The following FBRSL1 variants were observed in gnomAD, a reference collection of about 807,000 sequenced individuals.
FBRSL1 encodes fibrosin like 1, also known as fibrosin-1-like protein.
A neutral mutation model predicts 89.6 loss-of-function variants in FBRSL1; 51 were observed. That is an observed-to-expected ratio of 0.57 (90% confidence interval 0.45 to 0.72). FBRSL1 has a LOEUF of 0.72. Among genes scored for constraint, FBRSL1 ranks in the 30% least tolerant of loss-of-function variants. The pLI is 0.00. For missense variants in FBRSL1, 1,618 were observed against 1,451.8 expected, an observed-to-expected ratio of 1.11 and a Z score of -1.86; for synonymous variants, 779 against 681.1, an observed-to-expected ratio of 1.14 and a Z score of -2.24.
chr12:132,530,116 T>G (rs1297788298), intron 4 of FBRSL1, among the ~76,000 whole-genome samples: 1 of 151,540 alleles, frequency 6.6e-6, no homozygotes, highest in Non-Finnish European at 1.5e-5. Flanking sequence ...TCCTCTGCCC[T>G]TCCCATCGTC....
intron 2 of FBRSL1, among the ~76,000 whole-genome samples, chr12:132,517,741 G>A (rs1293902276): frequency 1.3e-5 from 2 of 152,164 alleles, no homozygotes; most frequent in East Asian, 3.8e-4. Flanking sequence ...GGAGGGGCCT[G>A]GTCTCATACA....
intron 1 of FBRSL1, among the ~76,000 whole-genome samples, chr12:132,491,670 G>T (rs957722118): frequency 6.6e-5 from 10 of 152,364 alleles, no homozygotes; most frequent in African/African-American, 2.4e-4. Flanking sequence ...GGGCTTGGGA[G>T]CCCATGGCCT....
chr12:132,540,268 C>T (rs1170554886), intron 4 of FBRSL1, among the ~76,000 whole-genome samples: 2 of 48,840 alleles, frequency 4.1e-5, no homozygotes, highest in African/African-American at 9.4e-5. Context: ...TAGTCGTGTC[C>T]TTCAGCCCCA....
rs2030610112 is a variant in FBRSL1 at position 132,490,219 on chromosome 12, C to CCCGCCTG, written c.-340_-334dup. On this transcript the variant is annotated 5_prime_UTR_variant, in exon 1 of 19. Coordinates refer to ENST00000680143, the MANE Select transcript of FBRSL1 (RefSeq NM_001367871.1). ...CCGGTGCCCAGGAGCCCGGCCGCCT[C>CCCGCCTG]CCGCCTGCCGCCTGCCGCGCCCGCC... 2.0e-3 allele frequency: 2 copies of CCCGCCTG among 1,024 alleles called. No homozygotes were observed. Among genetic ancestry groups the CCCGCCTG allele is most frequent in the Non-Finnish European group, 0.023 (2 of 86 alleles). The allele number at this position is 1,024 out of a possible 1,614,324, so 0.1% of individuals were successfully genotyped here. A position where few individuals can be genotyped will look rare whatever the true frequency, so the allele number is the denominator to read the frequency against.
intron 2 of FBRSL1, among the ~76,000 whole-genome samples, chr12:132,517,034 G>A (rs191964706): frequency 1.3e-5 from 2 of 152,378 alleles, no homozygotes; most frequent in East Asian, 3.9e-4. Context: ...CAGCCTGGCT[G>A]GTTTGAGGCC....
chr12:132,514,745 G>A (rs1229018661), intron 2 of FBRSL1, among the ~76,000 whole-genome samples: 5 of 152,210 alleles, frequency 3.3e-5, no homozygotes, highest in Admixed American at 3.3e-4. Context: ...CAGCAGGGGT[G>A]GGTAGGGCCC....
intron 5 of FBRSL1, among the ~76,000 whole-genome samples, chr12:132,564,628 T>C (rs1593518349): frequency 8.0e-6 from 1 of 125,696 alleles, no homozygotes; most frequent in East Asian, 4.2e-4. Context: ...CCCGAGTAGC[T>C]GGGACTACAG....
intron 3 of FBRSL1, 101 bp from the exon 4 acceptor site, chr12:132,527,852 C>T (rs1363733576): frequency 4.5e-6 from 5 of 1,119,936 alleles, no homozygotes; most frequent in Middle Eastern, 2.1e-4. Flanking sequence ...GGCTGCGGGG[C>T]AGGGCTAAGG....
chr12:132,501,613 G>C (rs115085710), intron 1 of FBRSL1, among the ~76,000 whole-genome samples: 1 of 152,170 alleles, frequency 6.6e-6, no homozygotes, highest in Non-Finnish European at 1.5e-5. Context: ...CCTTCCGCTC[G>C]GGGCCCAAGG....
intron 5 of FBRSL1, chr12:132,552,705 A>C (rs908838894): frequency 6.5e-6 from 1 of 152,718 alleles, no homozygotes; most frequent in African/African-American, 2.6e-5. Flanking sequence ...AGAAGGACGG[A>C]TGGACGGCTG....
intron 2 of FBRSL1, chr12:132,509,123 G>C: frequency 3.4e-6 from 4 of 1,183,908 alleles, no homozygotes; most frequent in Non-Finnish European, 4.2e-6. Flanking sequence ...TCCGCGGGCG[G>C]TGACACCTGC....
intron 18 of FBRSL1, 131 bp downstream of exon 18, chr12:132,582,397 C>T (rs1190458457): frequency 3.5e-5 from 22 of 631,730 alleles, no homozygotes; most frequent in Non-Finnish European, 5.9e-5. Context: ...GTTCCCCCTC[C>T]CCCTGTTCCC....
chr12:132,523,520 T>C (rs2035539830), intron 2 of FBRSL1, among the ~76,000 whole-genome samples: 1 of 151,870 alleles, frequency 6.6e-6, no homozygotes, highest in Non-Finnish European at 1.5e-5. Flanking sequence ...GGGTGTGAAG[T>C]GTAGAGAGGT....
intron 2 of FBRSL1, among the ~76,000 whole-genome samples, chr12:132,512,463 T>C (rs1476990043): frequency 6.6e-6 from 1 of 152,236 alleles, no homozygotes; most frequent in Non-Finnish European, 1.5e-5. Context: ...CCTGGCACAC[T>C]TGGGGTGCGG....
intron 18 of FBRSL1, among the ~76,000 whole-genome samples, chr12:132,582,644 C>T (rs2040855443): frequency 6.6e-6 from 1 of 152,080 alleles, no homozygotes; most frequent in African/African-American, 2.4e-5. Context: ...GGTGGCCGCG[C>T]CCTGACCCAC....
Position 132,559,072 on chromosome 12 carries a change from C to A in FBRSL1, c.646-8409C>A, listed in dbSNP as rs965788892. On this transcript the variant is annotated intron_variant, in intron 5 of 18. Coordinates refer to ENST00000680143, the MANE Select transcript of FBRSL1 (RefSeq NM_001367871.1). ...CGCCCAGGCGTCTGGTGCGGTCAGG[C>A]GCACATAAGCAGCCTTTGCAGGAAG... is the stretch of plus-strand genomic sequence containing the variant. Among the ~76,000 whole-genome samples the A allele has an allele frequency of 2.0e-5, 3 of 152,364 alleles. No individual in the cohort carries two copies. The East Asian group carries it at 5.8e-4, about 29-fold the overall frequency.
chr12:132,572,512 C>G lies in FBRSL1; in HGVS notation c.1435-15C>G. ...GACTTGGGCCCCCCCTCCATCCGCT[C>G]TCCTTCTCTTACAGTTCTTCCCGTC... On this transcript the variant is annotated splice_polypyrimidine_tract_variant and intron_variant, in intron 10 of 18. Coordinates refer to ENST00000680143, the MANE Select transcript of FBRSL1 (RefSeq NM_001367871.1). 6.5e-7 allele frequency: 1 copy of G among 1,545,642 alleles called. No homozygotes were observed. Among genetic ancestry groups the G allele is most frequent in the South Asian group, 1.2e-5 (1 of 83,952 alleles).
chr12:132,494,834 G>A (rs558886984), intron 1 of FBRSL1, among the ~76,000 whole-genome samples: 1 of 152,196 alleles, frequency 6.6e-6, no homozygotes, highest in Non-Finnish European at 1.5e-5. Flanking sequence ...CAGCCTCCTG[G>A]CTCGGTGGCC....
At position 132,576,208 on chromosome 12, in the gene FBRSL1, C is replaced by CTTTTTTTTTTTTTTTTTTTTTTTTT. The variant is rs66466623; in HGVS notation, c.1702-589_1702-588insTTTTTTTTTTTTTTTTTTTTTTTTT. On this transcript the variant is annotated intron_variant, in intron 14 of 18. Coordinates refer to ENST00000680143, the MANE Select transcript of FBRSL1 (RefSeq NM_001367871.1). ...GCTTTTTCAGTTTCTTTTTTTTTTT[C>CTTTTTTTTTTTTTTTTTTTTTTTTT]TTGAGATAGAGTCTCGCTCTGTCAC... Among the ~76,000 whole-genome samples, 7 of 146,794 alleles carry CTTTTTTTTTTTTTTTTTTTTTTTTT rather than the reference C, an allele frequency of 4.8e-5. No individual in the cohort carries two copies. In the South Asian group the frequency reaches 8.7e-4, roughly 18 times the overall value.
Sources: allele counts gnomAD v4.1 joint callset (sites outside exome capture counted in the v4.1 genomes callset), GRCh38; gene constraint gnomAD v4.1.1; transcripts MANE v1.5; gene names NCBI Gene and HGNC (gene_info 2026-07-23, HGNC 2026-07-21).